SLC16A7: variants seen among roughly 807,000 people sequenced by gnomAD.
SLC16A7 encodes monocarboxylate transporter 2.
A neutral mutation model predicts 34.9 loss-of-function variants in SLC16A7; 33 were observed. The observed-to-expected ratio is 0.94, with a 90% confidence interval of 0.72 to 1.26. SLC16A7 has a LOEUF of 1.26. Ranked by LOEUF, SLC16A7 falls within the 50% of genes most tolerant of loss-of-function variation. The pLI is 0.00. For synonymous variants in SLC16A7, 201 were observed against 206.6 expected, an observed-to-expected ratio of 0.97 and a Z score of 0.23; for missense variants, 573 against 578.1, an observed-to-expected ratio of 0.99 and a Z score of 0.09.
chr12:59,701,633 A>G (rs776985649), intron 2 of SLC16A7, among the ~76,000 whole-genome samples: 3 of 151,740 alleles, frequency 2.0e-5, no homozygotes, highest in Non-Finnish European at 4.4e-5. Flanking sequence ...CATAGAATTT[A>G]TACTAGTGTT....
rs139841478 is a variant in SLC16A7 at position 59,623,770 on chromosome 12, G to A, written c.-130+27534G>A. Among the ~76,000 whole-genome samples the A allele has an allele frequency of 1.6e-3, 249 of 151,568 alleles. 1 individual carries two copies. The highest frequency in any genetic ancestry group is 5.3e-3 in the African/African-American group (220 of 41,476). On this transcript the variant is annotated intron_variant, in intron 1 of 5. Transcript: ENST00000547379. ...CTATTGTTTTGTCTTACTATTTTGC[G>A]AAGGATGTTTAAGAAAATAACAGAG... is the stretch of plus-strand genomic sequence containing the variant.
intron 2 of SLC16A7, among the ~76,000 whole-genome samples, chr12:59,699,175 C>T (rs897436705): frequency 4.6e-5 from 7 of 151,340 alleles, no homozygotes; most frequent in Non-Finnish European, 8.9e-5. Context: ...TGATTTTAAT[C>T]TTTAAGTGAA....
chr12:59,740,391 T>G (rs1430633010), intron 3 of SLC16A7, among the ~76,000 whole-genome samples: 2 of 152,170 alleles, frequency 1.3e-5, no homozygotes, highest in Non-Finnish European at 1.5e-5. Flanking sequence ...TCTGTTCTGT[T>G]CCATTGATCT....
rs748955085 is a variant in SLC16A7, at chr12:59,775,118, C to G, written c.823C>G (p.Gln275Glu). 6.2e-7 allele frequency: 1 copy of G among 1,614,000 alleles called. No individual in the cohort carries two copies. Among genetic ancestry groups the G allele is most frequent in the South Asian group, 1.1e-5 (1 of 91,068 alleles). ...IIFLAPYAKD[Q>E]GIDEYSAAFL... Reference sequence around the variant, plus strand: ...ATTCTTGGCTCCATATGCTAAAGACCAAGGAATTGATGAGTACTCGGCAGC... The same window carrying G: ...ATTCTTGGCTCCATATGCTAAAGACGAAGGAATTGATGAGTACTCGGCAGC... The change falls in exon 5 of 6, where the codon CAA becomes GAA. Residue 275 changes from glutamine (Q) to glutamate (E), a missense_variant. Coordinates refer to ENST00000547379, the MANE Select transcript of SLC16A7 (RefSeq NM_001270623.2).
chr12:59,759,786 G>T (rs1340966737), intron 3 of SLC16A7, among the ~76,000 whole-genome samples: 1 of 151,924 alleles, frequency 6.6e-6, no homozygotes, highest in African/African-American at 2.4e-5. Flanking sequence ...GATAACTTAT[G>T]CAATATTAAA....
At chr12:59,635,945 G>A (rs1218846731) in intron 1 of SLC16A7, among the ~76,000 whole-genome samples, 1 of 147,932 alleles carries the variant, frequency 6.8e-6, no homozygotes, top group East Asian at 2.0e-4. Flanking sequence ...CAATGTTTTA[G>A]TACATATTTA....
intron 5 of SLC16A7, among the ~76,000 whole-genome samples, chr12:59,778,862 CCAG>C (rs1479639965): frequency 6.6e-6 from 1 of 151,976 alleles, no homozygotes; most frequent in African/African-American, 2.4e-5. Context: ...ATAACCATGC[CCAG>C]ATTACTTCAC....
chr12:59,756,459 C>G (rs1880360694), intron 3 of SLC16A7, among the ~76,000 whole-genome samples: 2 of 151,978 alleles, frequency 1.3e-5, no homozygotes, highest in Non-Finnish European at 2.9e-5. Context: ...CATGAACAGA[C>G]ACTTCTCAAA....
intron 3 of SLC16A7, among the ~76,000 whole-genome samples, chr12:59,730,348 A>T (rs1386021378): frequency 1.7e-4 from 4 of 23,392 alleles, no homozygotes; most frequent in Admixed American, 5.7e-4. Flanking sequence ...TCCTAAAATT[A>T]AAAAAAAAAA....
intron 2 of SLC16A7, among the ~76,000 whole-genome samples, chr12:59,685,102 G>T (rs1236759526): frequency 6.6e-6 from 1 of 152,060 alleles, no homozygotes; most frequent in Non-Finnish European, 1.5e-5. Flanking sequence ...TAGGATGATG[G>T]TTCTTTCCGG....
chr12:59,627,404 G>T (rs201979957), intron 1 of SLC16A7, among the ~76,000 whole-genome samples: 3 of 151,648 alleles, frequency 2.0e-5, no homozygotes, highest in East Asian at 1.9e-4. Context: ...GTTATCATAC[G>T]GTTATCTATA....
At position 59,781,081 on chromosome 12, in the gene SLC16A7, G is replaced by A; in HGVS notation, c.*1402G>A. On this transcript the variant is annotated 3_prime_UTR_variant, in exon 6 of 6. Transcript: ENST00000547379. ...ATAGCAAAAAACTTGAAATATTGCA[G>A]CCCAGTTTAATTCAGCACTTTCCCA... 1 of 152,050 alleles carries A rather than the reference G, an allele frequency of 6.6e-6. No homozygotes were observed. Among genetic ancestry groups the A allele is most frequent in the East Asian group, 1.9e-4 (1 of 5,184 alleles). 9.4% of individuals were successfully genotyped at this position (152,050 alleles called of 1,614,324 possible).
At chr12:59,675,597 G>A (rs528661805) in intron 2 of SLC16A7, among the ~76,000 whole-genome samples, 73 of 152,120 alleles carry the variant, frequency 4.8e-4, no homozygotes, top group Non-Finnish European at 7.9e-4. Context: ...CAAAGTAAAG[G>A]TAAAAGGAAA....
At chr12:59,633,495 C>T (rs1402943158) in intron 1 of SLC16A7, among the ~76,000 whole-genome samples, 4 of 151,996 alleles carry the variant, frequency 2.6e-5, no homozygotes, top group African/African-American at 9.6e-5. Context: ...GATGTGACAC[C>T]TAGTGTGGTG....
rs1448468041 is a variant in SLC16A7, at chr12:59,788,049, GTTAA to G, written c.*8374_*8377del. ...TCTCCCAGATATTTTAAACCAGTAT[GTTAA>G]TTATTTCCTAGAATGAATAATTCTC... On this transcript the variant is annotated 3_prime_UTR_variant, in exon 6 of 6. Coordinates refer to ENST00000547379, the MANE Select transcript of SLC16A7 (RefSeq NM_001270623.2). 3.3e-5 allele frequency: 5 copies of G among 152,108 alleles called. No individual in the cohort carries two copies. The highest frequency in any genetic ancestry group is 7.4e-5 in the Non-Finnish European group (5 of 68,014). The allele number at this position is 152,108 out of a possible 1,614,324, so 9.4% of individuals were successfully genotyped here. A position where few individuals can be genotyped will look rare whatever the true frequency, so the allele number is the denominator to read the frequency against.
intron 3 of SLC16A7, among the ~76,000 whole-genome samples, chr12:59,760,525 A>G (rs1880897908): frequency 6.6e-6 from 1 of 152,146 alleles, no homozygotes; most frequent in Admixed American, 6.6e-5. Flanking sequence ...GAAGAGATTA[A>G]CAACAATTCA....
chr12:59,674,008 A>C (rs1870102922), intron 2 of SLC16A7, among the ~76,000 whole-genome samples: 1 of 152,146 alleles, frequency 6.6e-6, no homozygotes, highest in South Asian at 2.1e-4. Flanking sequence ...CTTATACAAT[A>C]GTTATTACTA....
intron 1 of SLC16A7, among the ~76,000 whole-genome samples, chr12:59,626,188 G>A (rs532677168): frequency 1.0e-3 from 157 of 151,778 alleles, no homozygotes; most frequent in African/African-American, 3.7e-3. Context: ...CTAAGAAAAT[G>A]TTAAGCATTT....
chr12:59,679,790 A>AT (rs1565645252), intron 2 of SLC16A7, among the ~76,000 whole-genome samples: 2 of 152,232 alleles, frequency 1.3e-5, no homozygotes, highest in Non-Finnish European at 2.9e-5. Context: ...ACAACAAGAC[A>AT]TTAAATGCAA....
Sources: gnomAD v4.1 joint callset for allele counts (sites outside exome capture counted in the v4.1 genomes callset) on GRCh38, gnomAD v4.1.1 for gene constraint, MANE v1.5 for transcripts, NCBI Gene and HGNC (gene_info 2026-07-23, HGNC 2026-07-21) for gene names.